The following CSGALNACT1 variants were observed in gnomAD, a reference collection of about 807,000 sequenced individuals.
CSGALNACT1 encodes chondroitin sulfate N-acetylgalactosaminyltransferase 1, also known as beta4GalNAcT-1.
Under a neutral mutation model 51.0 loss-of-function variants are expected in CSGALNACT1, and 52 were observed. The observed-to-expected ratio is 1.02, with a 90% CI of 0.82 to 1.29. CSGALNACT1 has a LOEUF of 1.29. CSGALNACT1 is among the 50% of genes most tolerant of loss of function. CSGALNACT1 has a pLI of 0.00. For missense variants in CSGALNACT1, 935 were observed against 679.2 expected, an observed-to-expected ratio of 1.38 and a Z score of -4.19; for synonymous variants, 341 against 254.4, an observed-to-expected ratio of 1.34 and a Z score of -3.24.
intron 3 of CSGALNACT1, among the ~76,000 whole-genome samples, chr8:19,532,891 A>G (rs2083045941): frequency 1.3e-5 from 2 of 152,208 alleles, no homozygotes. Context: ...CAAGCTGCTT[A>G]TCCACCGGAC....
intron 3 of CSGALNACT1, chr8:19,532,110 A>T (rs1205891210): frequency 1.3e-5 from 2 of 152,014 alleles, no homozygotes; most frequent in African/African-American, 4.8e-5. Context: ...GGCTGGTAGG[A>T]GAGCACAGAG....
At chr8:19,705,056 T>C (rs1388124961) in intron 1 of CSGALNACT1, among the ~76,000 whole-genome samples, 1 of 152,216 alleles carries the variant, frequency 6.6e-6, no homozygotes, top group Non-Finnish European at 1.5e-5. Context: ...ACTTAAAATG[T>C]GCTAAGAGGG....
chr8:19,653,699 C>T (rs755228769), intron 1 of CSGALNACT1, among the ~76,000 whole-genome samples: 30 of 151,714 alleles, frequency 2.0e-4, no homozygotes, highest in Non-Finnish European at 3.2e-4. Context: ...GAGGCTGAGG[C>T]GGAGGGATTG....
At chr8:19,705,429 T>C (rs747794870) in intron 1 of CSGALNACT1, among the ~76,000 whole-genome samples, 2 of 152,176 alleles carry the variant, frequency 1.3e-5, no homozygotes, top group African/African-American at 2.4e-5. Context: ...AGCTCATCAT[T>C]TGAATTTTAA....
rs139930724 is a variant in CSGALNACT1 at position 19,572,930 on chromosome 8, C to T, written c.-297+18230G>A. On this transcript the variant is annotated intron_variant, in intron 3 of 9. Coordinates refer to ENST00000454498, the Ensembl canonical transcript of CSGALNACT1. Reference sequence around the variant, plus strand: ...GAAAATTGCTGCAGTCCCAAAAATCCTAAATATCGTATTTGAAAAGCAAGA... The same window carrying T: ...GAAAATTGCTGCAGTCCCAAAAATCTTAAATATCGTATTTGAAAAGCAAGA... Among the ~76,000 whole-genome samples the T allele has an allele frequency of 1.8e-3, 274 of 152,230 alleles. 1 individual carries two copies. The highest frequency in any genetic ancestry group is 6.1e-3 in the African/African-American group (252 of 41,546).
chr8:19,573,696 G>A (rs767393498), intron 3 of CSGALNACT1, among the ~76,000 whole-genome samples: 7 of 151,996 alleles, frequency 4.6e-5, no homozygotes, highest in South Asian at 2.1e-4. Context: ...TGCCCACCTC[G>A]GCCTCCCATA....
intron 4 of CSGALNACT1, among the ~76,000 whole-genome samples, chr8:19,485,024 G>A (rs111228256): frequency 0.011 from 1,621 of 152,266 alleles, 31 homozygotes; most frequent in African/African-American, 0.036. Context: ...CAGCCTGCCA[G>A]TGGGTGAGAA....
chr8:19,465,270 G>A (rs889905078), intron 4 of CSGALNACT1, among the ~76,000 whole-genome samples: 1 of 152,182 alleles, frequency 6.6e-6, no homozygotes, highest in Non-Finnish European at 1.5e-5. Context: ...GTAAGATCCC[G>A]CTGATAGGAG....
intron 3 of CSGALNACT1, among the ~76,000 whole-genome samples, chr8:19,547,717 T>A (rs1284709434): frequency 6.6e-6 from 1 of 152,228 alleles, no homozygotes; most frequent in African/African-American, 2.4e-5. Flanking sequence ...CAATAAAGTA[T>A]ACTCTAGAAA....
intron 1 of CSGALNACT1, among the ~76,000 whole-genome samples, chr8:19,656,128 T>C (rs913649537): frequency 2.6e-5 from 4 of 152,182 alleles, no homozygotes; most frequent in Non-Finnish European, 5.9e-5. Context: ...TGGACTCTCA[T>C]GTTATGAAAA....
intron 4 of CSGALNACT1, among the ~76,000 whole-genome samples, chr8:19,480,769 C>G (rs560344404): frequency 9.2e-5 from 14 of 152,254 alleles, no homozygotes; most frequent in African/African-American, 3.4e-4. Flanking sequence ...CTTCTCATTT[C>G]CTATCCCTAC....
chr8:19,679,158 A>C (rs560805958), intron 1 of CSGALNACT1, among the ~76,000 whole-genome samples: 1 of 152,248 alleles, frequency 6.6e-6, no homozygotes, highest in Non-Finnish European at 1.5e-5. Flanking sequence ...CAGCAAAGCC[A>C]TAAGAAACTT....
intron 4 of CSGALNACT1, among the ~76,000 whole-genome samples, chr8:19,461,027 C>T (rs1028092749): frequency 3.3e-5 from 5 of 152,068 alleles, no homozygotes; most frequent in Non-Finnish European, 5.9e-5. Context: ...ATTTAAAGGC[C>T]GAGACACGGA....
intron 1 of CSGALNACT1, among the ~76,000 whole-genome samples, chr8:19,670,738 G>A (rs988150386): frequency 3.1e-4 from 46 of 149,760 alleles, no homozygotes; most frequent in African/African-American, 1.0e-3. Context: ...TAACACATGA[G>A]ACAAGTACAG....
At chr8:19,741,630 C>A (rs1201412062) in intron 1 of CSGALNACT1, among the ~76,000 whole-genome samples, 2 of 151,224 alleles carry the variant, frequency 1.3e-5, no homozygotes, top group Admixed American at 6.6e-5. Flanking sequence ...GCAGTCTACT[C>A]GGCTAGACCA....
chr8:19,439,426 C>T, intron 6 of CSGALNACT1, among the ~76,000 whole-genome samples: 1 of 152,206 alleles, frequency 6.6e-6, no homozygotes, highest in East Asian at 1.9e-4. Flanking sequence ...AGACTTCACT[C>T]TTAGGCTCTG....
At position 19,743,641 on chromosome 8, in the gene CSGALNACT1, C is replaced by G. The variant is rs192451500; in HGVS notation, c.-297+14209G>C. Among the ~76,000 whole-genome samples, 387 of 152,302 alleles carry G rather than the reference C, an allele frequency of 2.5e-3. 1 individual carries two copies. Among genetic ancestry groups the G allele is most frequent in the Non-Finnish European group, 3.5e-3 (240 of 68,020 alleles). ...GTTTGATATCTAAAAATACTCTTTTCATCATCAGCATGTATAAAATGTAAC... is the reference window on the plus strand; with the variant it reads ...GTTTGATATCTAAAAATACTCTTTTGATCATCAGCATGTATAAAATGTAAC... On this transcript the variant is annotated intron_variant, in intron 1 of 1. Coordinates refer to the CSGALNACT1 transcript ENST00000517494.
chr8:19,562,471 C>T (rs765558607), intron 3 of CSGALNACT1, among the ~76,000 whole-genome samples: 13 of 146,892 alleles, frequency 8.9e-5, no homozygotes, highest in Non-Finnish European at 7.4e-5. Context: ...TTCAATTAAA[C>T]AGCTTCTGCA....
In CSGALNACT1 at chr8:19,638,036, G is replaced by C. The variant is rs558091367; in HGVS notation, c.-543-36171C>G. Among the ~76,000 whole-genome samples, 5 of 152,284 alleles carry C rather than the reference G, an allele frequency of 3.3e-5. 1 individual carries two copies. The highest frequency in any genetic ancestry group is 1.2e-4 in the African/African-American group (5 of 41,552). ...CTCACTGGCTTTTGTCAACTGATATGAGGAAGTTTCGATGAAGGTATAGAA... is the reference window on the plus strand; with the variant it reads ...CTCACTGGCTTTTGTCAACTGATATCAGGAAGTTTCGATGAAGGTATAGAA... On this transcript the variant is annotated intron_variant, in intron 1 of 9. Coordinates refer to the CSGALNACT1 transcript ENST00000332246.
Sources: allele counts gnomAD v4.1 joint callset (sites outside exome capture counted in the v4.1 genomes callset), GRCh38; gene constraint gnomAD v4.1.1; transcripts MANE v1.5; gene names NCBI Gene and HGNC (gene_info 2026-07-23, HGNC 2026-07-21).